The following HIVEP1 variants were observed in gnomAD, a reference collection of about 807,000 sequenced individuals.
The protein encoded by HIVEP1 is zinc finger protein 40.
A neutral mutation model predicts 180.0 loss-of-function variants in HIVEP1; 36 were observed. The ratio of observed to expected loss-of-function variants is 0.20; its 90% confidence interval spans 0.15 to 0.26. The LOEUF (loss-of-function observed/expected upper bound fraction) is 0.26, where lower values mean the gene tolerates loss of function less well. HIVEP1 is among the 10% of genes least tolerant of loss of function. HIVEP1 has a pLI of 1.00. For synonymous variants in HIVEP1, 1,239 were observed against 1,239.0 expected (o/e 1.00, Z 0.00); for missense variants, 3,143 against 3,268.7 (o/e 0.96, Z 0.94).
chr6:12,045,690 T>C (rs778003512), intron 2 of HIVEP1, among the ~76,000 whole-genome samples: 3 of 152,238 alleles, frequency 2.0e-5, no homozygotes, highest in Non-Finnish European at 4.4e-5. Context: ...ATGGAAGATA[T>C]GTTAGCATGG....
intron 2 of HIVEP1, among the ~76,000 whole-genome samples, chr6:12,069,476 A>G (rs893125190): frequency 6.7e-6 from 1 of 149,652 alleles, no homozygotes; most frequent in African/African-American, 2.5e-5. Flanking sequence ...TTTTTAAAAA[A>G]TTGTGTTAGT....
intron 7 of HIVEP1, among the ~76,000 whole-genome samples, chr6:12,144,903 C>T (rs866695134): frequency 1.1e-4 from 17 of 152,300 alleles, no homozygotes; most frequent in African/African-American, 3.1e-4. Flanking sequence ...GAAATCGGAA[C>T]GCTTTTACAC....
At chr6:12,182,516 G>A in the HIVEP1 span, among the ~76,000 whole-genome samples, 2 of 152,252 alleles carry the variant, frequency 1.3e-5, no homozygotes, top group East Asian at 3.9e-4. Context: ...TATGAAATCA[G>A]GTTTCATAGT....
At chr6:12,129,269 T>C (rs1009695702) in intron 4 of HIVEP1, among the ~76,000 whole-genome samples, 4 of 152,202 alleles carry the variant, frequency 2.6e-5, no homozygotes, top group African/African-American at 9.6e-5. Context: ...GAAATGGGGC[T>C]TCTGCTTTAC....
the HIVEP1 span, among the ~76,000 whole-genome samples, chr6:12,183,529 C>G: frequency 2.0e-5 from 3 of 152,308 alleles, no homozygotes; most frequent in Middle Eastern, 0.01. Context: ...AGAAGTTTAA[C>G]TGAGTTAACT....
In HIVEP1 at chr6:12,135,772, A is replaced by G. The variant is rs1369653878; in HGVS notation, c.6386-19A>G. The G allele has an allele frequency of 2.0e-6, 3 of 1,518,816 alleles. No homozygotes were observed. In the South Asian group the frequency reaches 3.4e-5, roughly 17 times the overall value. The allele number at this position is 1,518,816 out of a possible 1,614,324, so 94.1% of individuals were successfully genotyped here. On this transcript the variant is annotated intron_variant, in intron 6 of 8. Coordinates refer to ENST00000379388, the MANE Select transcript of HIVEP1 (RefSeq NM_002114.4). ...AAAATCATACTACTTAAGCTTAGTA[A>G]ACATTCTTTTCCCTTAAGGAAATCT...
chr6:12,125,104 G>T lies in HIVEP1; in HGVS notation c.5309G>T (p.Gly1770Val). 6.2e-7 allele frequency: 1 copy of T among 1,613,562 alleles called. No individual in the cohort carries two copies. Among genetic ancestry groups the T allele is most frequent in the Non-Finnish European group, 8.5e-7 (1 of 1,179,860 alleles). Residue 1770 changes from glycine to valine, a missense_variant, in exon 4 of 9, where the codon GGA becomes GTA. Gly to Val is a moderately radical substitution (Grantham distance 109). This residue lies in a region of HIVEP1 where 1,357 missense variants were observed against 1,260.5 expected (regional missense o/e 1.08). Transcript: ENST00000379388. ...CAGAAGCGGGCCAAAGATGAAAATGGAGCTGTTTGTGCAACAGACGTGAGA... is the reference window on the plus strand; with the variant it reads ...CAGAAGCGGGCCAAAGATGAAAATGTAGCTGTTTGTGCAACAGACGTGAGA... ...KHQKRAKDENGAVCATDVRPL... is the reference protein window; with the variant it reads ...KHQKRAKDENVAVCATDVRPL...
At chr6:12,044,920 C>T (rs1770029132) in intron 2 of HIVEP1, among the ~76,000 whole-genome samples, 2 of 152,254 alleles carry the variant, frequency 1.3e-5, no homozygotes, top group Non-Finnish European at 1.5e-5. Context: ...CACATCCCTC[C>T]TGTGTAGACA....
intron 2 of HIVEP1, among the ~76,000 whole-genome samples, chr6:12,029,819 T>C (rs542698991): frequency 6.6e-6 from 1 of 152,284 alleles, no homozygotes; most frequent in Admixed American, 6.5e-5. Flanking sequence ...TTTTTAAAAA[T>C]AATTTAAGAG....
At chr6:12,112,452 T>C (rs896569837) in intron 3 of HIVEP1, among the ~76,000 whole-genome samples, 1 of 152,192 alleles carries the variant, frequency 6.6e-6, no homozygotes, top group Non-Finnish European at 1.5e-5. Context: ...ATCCTAGTTA[T>C]GGGTTATTTA....
Position 12,124,591 on chromosome 6 carries a change from C to G in HIVEP1, c.4796C>G (p.Ala1599Gly), listed in dbSNP as rs1421740060. ...PVGTDHCVTS[A>G]TLPTKLIDSM... The stretch of plus-strand genomic sequence containing the variant: ...GGAACAGATCATTGTGTGACATCAG[C>G]AACATTACCAACCAAATTAATTGAC... The change falls in exon 4 of 9, where the codon GCA becomes GGA. Residue 1599 changes from alanine (A) to glycine (G), a missense_variant. Around this residue, in one of 12 missense-constraint regions of HIVEP1, gnomAD observed 1,357 missense variants for 1,260.5 expected, o/e 1.08. Transcript: ENST00000379388. The G allele has an allele frequency of 1.9e-6, 3 of 1,614,000 alleles. No homozygotes were observed. The highest frequency in any genetic ancestry group is 2.5e-6 in the Non-Finnish European group (3 of 1,180,018).
In HIVEP1 at chr6:12,120,284, T is replaced by C; in HGVS notation, c.489T>C (p.Cys163=). ...AATTCAGTGACCTCGATGAACAATG[T>C]GACTCAAGTTCCTTGTCAAGTAAAA... ...PAKFSDLDEQ[C]DSSSLSSKTR... The change falls in exon 4 of 9, where the codon TGT becomes TGC. Residue 163 remains cysteine (C), a synonymous_variant. Coordinates refer to ENST00000379388, the MANE Select transcript of HIVEP1 (RefSeq NM_002114.4). The C allele has an allele frequency of 6.2e-7, 1 of 1,614,190 alleles. No individual in the cohort carries two copies. The highest frequency in any genetic ancestry group is 8.5e-7 in the Non-Finnish European group (1 of 1,180,016).
At chr6:12,094,701 A>C (rs1256036026) in intron 3 of HIVEP1, among the ~76,000 whole-genome samples, 1 of 151,958 alleles carries the variant, frequency 6.6e-6, no homozygotes, top group African/African-American at 2.4e-5. Flanking sequence ...TATTTTATTG[A>C]AGAATTTTGA....
chr6:12,074,603 C>T (rs1389281509), intron 2 of HIVEP1, among the ~76,000 whole-genome samples: 2 of 125,426 alleles, frequency 1.6e-5, no homozygotes, highest in African/African-American at 2.8e-5. Flanking sequence ...CGCTGCAGTC[C>T]TTAATTGTAT....
intron 3 of HIVEP1, among the ~76,000 whole-genome samples, chr6:12,092,783 C>T (rs1241006338): frequency 6.6e-6 from 1 of 152,054 alleles, no homozygotes; most frequent in Non-Finnish European, 1.5e-5. Context: ...ACTTTAGACA[C>T]AAAAAGTTTA....
intron 7 of HIVEP1, among the ~76,000 whole-genome samples, chr6:12,138,557 C>T (rs1407212559): frequency 1.3e-5 from 2 of 152,154 alleles, no homozygotes; most frequent in Non-Finnish European, 2.9e-5. Context: ...GTCTTCTGTG[C>T]TGGCTCCTCC....
chr6:12,204,660 T>C, the HIVEP1 span, among the ~76,000 whole-genome samples: 2 of 152,208 alleles, frequency 1.3e-5, no homozygotes, highest in African/African-American at 4.8e-5. Flanking sequence ...AATTCATTAA[T>C]TCACTTACCC....
intron 8 of HIVEP1, among the ~76,000 whole-genome samples, chr6:12,162,221 T>TAA: frequency 3.2e-5 from 1 of 31,044 alleles, no homozygotes; most frequent in African/African-American, 1.1e-4. Flanking sequence ...ATTTTTGAAA[T>TAA]TAAAAAAAAA....
the HIVEP1 span, among the ~76,000 whole-genome samples, chr6:12,206,468 A>G: frequency 6.6e-6 from 1 of 152,042 alleles, no homozygotes; most frequent in Non-Finnish European, 1.5e-5. Context: ...CACACAGAGA[A>G]AGAGAGAGAC....
Sources: gnomAD v4.1 joint callset for allele counts (sites outside exome capture counted in the v4.1 genomes callset) on GRCh38, gnomAD v4.1.1 for gene constraint, gnomAD v4.1.1 regional missense constraint, MANE v1.5 for transcripts, NCBI Gene and HGNC (gene_info 2026-07-23, HGNC 2026-07-21) for gene names.